Variants in NRG4 observed in about 807,000 individuals in gnomAD.
NRG4 encodes neuregulin 4, also known as pro-neuregulin-4, membrane-bound isoform.
A neutral mutation model predicts 15.0 loss-of-function variants in NRG4; 10 were observed. The observed-to-expected ratio is 0.67, with a 90% CI of 0.41 to 1.13. The LOEUF (loss-of-function observed/expected upper bound fraction) is 1.13. Ranked by LOEUF, NRG4 falls within the 50% of genes most tolerant of loss-of-function variation. NRG4 has a pLI of 0.00. For missense variants in NRG4, 139 were observed against 140.2 expected (o/e 0.99, Z 0.04); for synonymous variants, 41 against 50.1 (o/e 0.82, Z 0.77).
intron 5 of NRG4, among the ~76,000 whole-genome samples, chr15:75,944,958 T>C (rs1486347615): frequency 6.6e-6 from 1 of 152,046 alleles, no homozygotes; most frequent in African/African-American, 2.4e-5. Flanking sequence ...TTTAATACTT[T>C]TTTTTTTAAC....
intron 3 of NRG4, 110 bp from the exon 4 acceptor site, chr15:75,962,084 T>C: frequency 1.4e-6 from 1 of 722,848 alleles, no homozygotes; most frequent in Non-Finnish European, 2.2e-6. Flanking sequence ...AATTTTCAGA[T>C]TGTGAACATG....
intron 2 of NRG4, 107 bp from the exon 3 acceptor site, chr15:76,009,400 A>G (rs2034725698): frequency 5.5e-6 from 3 of 545,418 alleles, no homozygotes; most frequent in Non-Finnish European, 9.7e-6. Context: ...TCTGAAAATC[A>G]GAATGAAGAA....
At chr15:76,008,185 AC>A (rs1215068461) in intron 3 of NRG4, among the ~76,000 whole-genome samples, 1 of 152,218 alleles carries the variant, frequency 6.6e-6, no homozygotes, top group South Asian at 2.1e-4. Flanking sequence ...CTGCTGAGGC[AC>A]ATCATGAGTG....
chr15:75,996,164 T>G (rs2034206882), intron 3 of NRG4, among the ~76,000 whole-genome samples: 1 of 152,158 alleles, frequency 6.6e-6, no homozygotes, highest in Admixed American at 6.5e-5. Flanking sequence ...CTGGGCAACA[T>G]AACGAGGCCA....
chr15:75,989,326 ATT>A (rs1338295642), intron 3 of NRG4, among the ~76,000 whole-genome samples: 1 of 152,034 alleles, frequency 6.6e-6, no homozygotes, highest in Non-Finnish European at 1.5e-5. Flanking sequence ...TTCCTTTAAC[ATT>A]TCATGTAGCG....
chr15:76,042,373 G>A (rs550196239), intron 4 of NRG4, among the ~76,000 whole-genome samples: 1 of 151,718 alleles, frequency 6.6e-6, no homozygotes. Context: ...GAAATAAAAA[G>A]TTGGTTTTTT....
chr15:75,997,993 C>T (rs1218294424), intron 3 of NRG4, among the ~76,000 whole-genome samples: 2 of 152,188 alleles, frequency 1.3e-5, no homozygotes, highest in African/African-American at 2.4e-5. Context: ...TAATTCTACC[C>T]AGAAAAGCTT....
chr15:75,999,633 T>C (rs959960722), intron 3 of NRG4, among the ~76,000 whole-genome samples: 1 of 152,238 alleles, frequency 6.6e-6, no homozygotes, highest in Non-Finnish European at 1.5e-5. Flanking sequence ...AAATTTCTAC[T>C]GTCTATAAAT....
chr15:76,009,246 C>CA lies in NRG4; in HGVS notation c.57dup (p.Gly20TrpfsTer16), dbSNP rs1567108114. On this transcript the variant is annotated frameshift_variant, in exon 3 of 6. Coordinates refer to ENST00000394907, the MANE Select transcript of NRG4 (RefSeq NM_138573.4). LOFTEE classifies it high-confidence loss of function. ...GTAGGTATCACATAACAAAGCCCCC[C>CA]ATTCAGGCAAAACGACTTGTGACTG... 1.2e-6 allele frequency: 2 copies of CA among 1,605,064 alleles called. No homozygotes were observed. Among genetic ancestry groups the CA allele is most frequent in the East Asian group, 2.2e-5 (1 of 44,676 alleles).
intron 5 of NRG4, among the ~76,000 whole-genome samples, chr15:75,944,687 C>T (rs1181318885): frequency 6.6e-6 from 1 of 152,124 alleles, no homozygotes; most frequent in Non-Finnish European, 1.5e-5. Flanking sequence ...TCTTCATAAT[C>T]GGCTCTCCTC....
chr15:75,935,947 C>T (rs1479004617), downstream of NRG4: 1 of 152,082 alleles, frequency 6.6e-6, no homozygotes, highest in African/African-American at 2.4e-5. Context: ...GCCACCGCGC[C>T]CGGCTAATTT....
intron 4 of NRG4, among the ~76,000 whole-genome samples, chr15:76,050,000 A>G (rs544713807): frequency 6.6e-5 from 10 of 151,284 alleles, no homozygotes. Flanking sequence ...CAAGAATGGA[A>G]TAAATTGGAT....
Position 76,032,572 on chromosome 15 carries a change from C to T in NRG4, c.-57+3372G>A, listed in dbSNP as rs147363385. ...ACAAACATAAAATCTTAAAAACTTT[C>T]TTTGAAGGCCAAATATAATTTTTCT... is the stretch of plus-strand genomic sequence containing the variant. On this transcript the variant is annotated intron_variant, in intron 5 of 8. Coordinates refer to the NRG4 transcript ENST00000563910. Among the ~76,000 whole-genome samples the T allele has an allele frequency of 4.5e-3, 690 of 152,258 alleles. 3 individuals carry two copies. Among genetic ancestry groups the T allele is most frequent in the Non-Finnish European group, 7.8e-3 (528 of 68,002 alleles).
rs904578533 is a variant in NRG4, at chr15:76,051,206, C to T, written c.-105+861G>A. The stretch of plus-strand genomic sequence containing the variant: ...ATTTTTAGTAGAGACGGGGTTTCAC[C>T]GTTTTAGCCGGGATGGTCTCGATCT... On this transcript the variant is annotated intron_variant, in intron 4 of 8. Coordinates refer to the NRG4 transcript ENST00000563910. 3.4e-5 allele frequency among the ~76,000 whole-genome samples: 5 copies of T among 149,000 alleles called. 1 individual carries two copies. Among genetic ancestry groups the T allele is most frequent in the South Asian group, 4.2e-4 (2 of 4,774 alleles).
intron 5 of NRG4, among the ~76,000 whole-genome samples, chr15:76,027,165 T>G (rs2035338655): frequency 6.6e-6 from 1 of 151,936 alleles, no homozygotes; most frequent in African/African-American, 2.4e-5. Context: ...GAACCAACTA[T>G]ATACTGCCTA....
At chr15:75,969,049 G>C (rs1177508141) in intron 3 of NRG4, 3 of 318,792 alleles carry the variant, frequency 9.4e-6, no homozygotes, top group Admixed American at 3.7e-5. Flanking sequence ...GGAACAGCTG[G>C]AAAGACTTAC....
chr15:76,006,083 T>G (rs1327113207), intron 3 of NRG4, among the ~76,000 whole-genome samples: 1 of 152,166 alleles, frequency 6.6e-6, no homozygotes, highest in Non-Finnish European at 1.5e-5. Flanking sequence ...GAAAATTGGT[T>G]AGGGACTATT....
chr15:75,947,225 G>A (rs2031584429), intron 5 of NRG4, among the ~76,000 whole-genome samples: 1 of 152,160 alleles, frequency 6.6e-6, no homozygotes, highest in Non-Finnish European at 1.5e-5. Context: ...CTTCCCTGAG[G>A]AGAGATTTCA....
Position 75,964,396 on chromosome 15 carries a change from T to C in NRG4, c.105-2422A>G, listed in dbSNP as rs1006232254. On this transcript the variant is annotated intron_variant, in intron 3 of 5. Coordinates refer to ENST00000394907, the MANE Select transcript of NRG4 (RefSeq NM_138573.4). ...AACAATTATTTGTGACTGCTAAAGG[T>C]TTTTTAAGGAAAAATTTTAGCTGTG... is the stretch of plus-strand genomic sequence containing the variant. Among the ~76,000 whole-genome samples, 9 of 152,262 alleles carry C rather than the reference T, an allele frequency of 5.9e-5. No individual in the cohort carries two copies. In the East Asian group the frequency reaches 1.7e-3, roughly 29 times the overall value.
Sources: allele counts gnomAD v4.1 joint callset (sites outside exome capture counted in the v4.1 genomes callset), GRCh38; gene constraint gnomAD v4.1.1; transcripts MANE v1.5; gene names NCBI Gene and HGNC (gene_info 2026-07-23, HGNC 2026-07-21).